Variants in CWC27 observed in about 807,000 individuals in gnomAD.
CWC27 encodes the protein spliceosome-associated protein CWC27 homolog.
A neutral mutation model predicts 63.6 loss-of-function variants in CWC27; 47 were observed. That is an observed-to-expected ratio of 0.74 (90% CI 0.58 to 0.94). CWC27 has a LOEUF of 0.94. Ranked by LOEUF, CWC27 falls within the 40% of genes least tolerant of loss-of-function variation. The pLI is 0.00. For missense variants in CWC27, 495 were observed against 554.3 expected, an observed-to-expected ratio of 0.89 and a Z score of 1.07; for synonymous variants, 175 against 179.8, an observed-to-expected ratio of 0.97 and a Z score of 0.22.
At chr5:64,839,336 G>A (rs1023694132) in intron 10 of CWC27, among the ~76,000 whole-genome samples, 15 of 152,286 alleles carry the variant, frequency 9.8e-5, no homozygotes, top group Middle Eastern at 3.4e-3. Context: ...AGTTTGAAAG[G>A]CTATAGTATA....
chr5:64,778,619 T>C (rs1032741902), intron 2 of CWC27, among the ~76,000 whole-genome samples: 1 of 152,216 alleles, frequency 6.6e-6, no homozygotes, highest in African/African-American at 2.4e-5. Context: ...AGATTGACAC[T>C]GTGCCTTAAT....
At chr5:65,017,051 G>T (rs1750060460) in intron 13 of CWC27, among the ~76,000 whole-genome samples, 1 of 152,118 alleles carries the variant, frequency 6.6e-6, no homozygotes, top group Non-Finnish European at 1.5e-5. Context: ...GCCGGGCACG[G>T]TGGCTCACAC....
intron 7 of CWC27, among the ~76,000 whole-genome samples, chr5:64,789,994 G>A (rs1744018307): frequency 6.6e-6 from 1 of 151,964 alleles, no homozygotes; most frequent in Admixed American, 6.6e-5. Context: ...TTATTAGTGA[G>A]CACGGTTTTG....
At chr5:64,916,433 A>G (rs553886454) in intron 11 of CWC27, among the ~76,000 whole-genome samples, 1 of 152,318 alleles carries the variant, frequency 6.6e-6, no homozygotes, top group East Asian at 1.9e-4. Flanking sequence ...TTTCGTGGCC[A>G]TAATGAAGTA....
intron 2 of CWC27, among the ~76,000 whole-genome samples, chr5:64,777,919 A>G (rs987562664): frequency 1.3e-5 from 2 of 152,152 alleles, no homozygotes; most frequent in African/African-American, 4.8e-5. Flanking sequence ...ATACAAAGTT[A>G]TAGTGTAGAG....
chr5:64,867,941 G>T (rs1287219401), intron 10 of CWC27, among the ~76,000 whole-genome samples: 1 of 63,604 alleles, frequency 1.6e-5, no homozygotes, highest in African/African-American at 8.1e-5. Flanking sequence ...TTGTGTTTGG[G>T]GGGGGGGCTG....
intron 13 of CWC27, among the ~76,000 whole-genome samples, chr5:65,000,261 A>G (rs1357971037): frequency 6.6e-6 from 1 of 152,056 alleles, no homozygotes; most frequent in Non-Finnish European, 1.5e-5. Context: ...ATAGTTCATA[A>G]ATATTTTCTA....
intron 2 of CWC27, among the ~76,000 whole-genome samples, chr5:64,775,764 G>A (rs1394635610): frequency 6.6e-6 from 1 of 151,924 alleles, no homozygotes; most frequent in Non-Finnish European, 1.5e-5. Flanking sequence ...ATTCTCTTAG[G>A]GAAGTAAACC....
In CWC27 at chr5:64,865,681, A is replaced by G. The variant is rs1224975331; in HGVS notation, c.939-19762A>G. Among the ~76,000 whole-genome samples the G allele has an allele frequency of 3.3e-5, 5 of 151,946 alleles. No individual in the cohort carries two copies. The East Asian group carries it at 9.6e-4, about 29-fold the overall frequency. On this transcript the variant is annotated intron_variant, in intron 10 of 13. Transcript: ENST00000381070. ...TTTGGTTTAAGGGCTAAATCTCTCGATTTTTTACTTTATAATGTTAAAGTT... is the reference window on the plus strand; with the variant it reads ...TTTGGTTTAAGGGCTAAATCTCTCGGTTTTTTACTTTATAATGTTAAAGTT...
intron 11 of CWC27, among the ~76,000 whole-genome samples, chr5:64,897,575 C>T (rs1367631827): frequency 1.3e-5 from 2 of 152,094 alleles, no homozygotes; most frequent in Admixed American, 1.3e-4. Context: ...GGGAACATCA[C>T]ACACCAGGGT....
rs574978147 is a variant in CWC27, at chr5:64,798,137, C to T, written c.670-2111C>T. 2.6e-5 allele frequency among the ~76,000 whole-genome samples: 4 copies of T among 152,216 alleles called. No individual in the cohort carries two copies. In the East Asian group the frequency reaches 7.7e-4, roughly 29 times the overall value. On this transcript the variant is annotated intron_variant, in intron 7 of 13. Transcript: ENST00000381070. Reference sequence around the variant, plus strand: ...AACAAAAGATGTTCAGGCTTTTATTCTTGTTTAAGTTATTTGATGTTCACT... The same window carrying T: ...AACAAAAGATGTTCAGGCTTTTATTTTTGTTTAAGTTATTTGATGTTCACT...
At position 64,804,277 on chromosome 5, in the gene CWC27, G is replaced by A. The variant is rs1744583469; in HGVS notation, c.829G>A (p.Glu277Lys). ...GCATGATGAATATATTGATGGTGAT[G>A]AAAAGAACCTGATGAGAGAAAGAAT... ...AEHDEYIDGD[E>K]KNLMRERIAK... Residue 277 changes from glutamate to lysine, a missense_variant, in exon 10 of 14, where the codon GAA becomes AAA. Transcript: ENST00000381070. 2 of 1,613,052 alleles carry A rather than the reference G, an allele frequency of 1.2e-6. No homozygotes were observed. The highest frequency in any genetic ancestry group is 1.7e-6 in the Non-Finnish European group (2 of 1,179,464).
At chr5:64,816,066 T>C (rs1745019529) in intron 10 of CWC27, among the ~76,000 whole-genome samples, 1 of 152,214 alleles carries the variant, frequency 6.6e-6, no homozygotes, top group African/African-American at 2.4e-5. Flanking sequence ...TCTCTTATAC[T>C]TTTCTTTTAT....
intron 10 of CWC27, among the ~76,000 whole-genome samples, chr5:64,813,299 C>T (rs574814589): frequency 6.6e-6 from 1 of 152,140 alleles, no homozygotes; most frequent in South Asian, 2.1e-4. Flanking sequence ...TTTCTTGGGC[C>T]ACTTGAAATA....
At chr5:64,817,904 T>A (rs958444859) in intron 10 of CWC27, among the ~76,000 whole-genome samples, 5 of 152,176 alleles carry the variant, frequency 3.3e-5, no homozygotes, top group African/African-American at 1.2e-4. Context: ...AGTGCCTTGT[T>A]ATATCTTTAA....
In CWC27 at chr5:64,769,151, G is replaced by A; in HGVS notation, c.5G>A (p.Ser2Asn). Reference protein sequence around the residue: MSNIYIQEPPTN... With the variant: MNNIYIQEPPTN... ...GAGTCCTTTGTACTGACCAAGATGA[G>A]CAACATCTACATCCAGGAGCCTCCC... The change falls in exon 1 of 14, where the codon AGC becomes AAC. Residue 2 changes from serine (S) to asparagine (N), a missense_variant. Physicochemically the swap from Ser to Asn is conservative, Grantham distance 46. Transcript: ENST00000381070. 1 of 1,614,098 alleles carries A rather than the reference G, an allele frequency of 6.2e-7. No individual in the cohort carries two copies. Among genetic ancestry groups the A allele is most frequent in the Non-Finnish European group, 8.5e-7 (1 of 1,179,984 alleles).
At chr5:64,971,613 C>T (rs1580756753) in intron 11 of CWC27, 90 bp from the exon 12 acceptor site, 3 of 1,011,064 alleles carry the variant, frequency 3.0e-6, no homozygotes, top group Non-Finnish European at 4.2e-6. Context: ...CAAGTGCCAA[C>T]CTCCTCTTCA....
rs991161332 is a variant in CWC27, at chr5:64,836,458, G to A, written c.938+32072G>A. On this transcript the variant is annotated intron_variant, in intron 10 of 13. Transcript: ENST00000381070. Reference sequence around the variant, plus strand: ...TAATCAGAAATATCTCCTCTGTGGAGATGTTTTTATCATTCTTGGAACTGC... The same window carrying A: ...TAATCAGAAATATCTCCTCTGTGGAAATGTTTTTATCATTCTTGGAACTGC... Among the ~76,000 whole-genome samples the A allele has an allele frequency of 5.3e-5, 8 of 151,966 alleles. No homozygotes were observed. In the East Asian group the frequency reaches 1.5e-3, roughly 29 times the overall value.
chr5:64,946,099 A>C (rs1015136578), intron 11 of CWC27, among the ~76,000 whole-genome samples: 4 of 152,132 alleles, frequency 2.6e-5, no homozygotes, highest in Non-Finnish European at 4.4e-5. Flanking sequence ...CTCCTCCAGC[A>C]ACTGTTTAAG....
Sources: gnomAD v4.1 joint callset for allele counts (sites outside exome capture counted in the v4.1 genomes callset) on GRCh38, gnomAD v4.1.1 for gene constraint, MANE v1.5 for transcripts, NCBI Gene and HGNC (gene_info 2026-07-23, HGNC 2026-07-21) for gene names.